MAD1L1: variants seen among roughly 807,000 people sequenced by gnomAD.
The protein encoded by MAD1L1 is mitotic spindle assembly checkpoint protein MAD1.
In MAD1L1, 95 loss-of-function variants were observed where a neutral mutation model predicts 96.9. That is an observed-to-expected ratio of 0.98 (90% CI 0.83 to 1.16). The LOEUF (loss-of-function observed/expected upper bound fraction) is 1.16. Among genes scored for constraint, MAD1L1 ranks in the 50% most tolerant of loss-of-function variants. MAD1L1 has a pLI of 0.00. For missense variants in MAD1L1, 1,007 were observed against 954.4 expected, an observed-to-expected ratio of 1.06 and a Z score of -0.73; for synonymous variants, 473 against 396.6, an observed-to-expected ratio of 1.19 and a Z score of -2.29.
intron 13 of MAD1L1, among the ~76,000 whole-genome samples, chr7:2,007,505 A>AACCCC (rs748129670): frequency 6.9e-5 from 5 of 72,168 alleles, no homozygotes; most frequent in Middle Eastern, 6.4e-3. Context: ...AACATGGTGA[A>AACCCC]ATTACTAAAA....
intron 11 of MAD1L1, among the ~76,000 whole-genome samples, chr7:2,131,184 G>A (rs899719449): frequency 5.3e-5 from 8 of 152,146 alleles, no homozygotes; most frequent in African/African-American, 7.2e-5. Context: ...GCCCCAGAGC[G>A]GACCCTGCAC....
rs1349435935 is a variant in MAD1L1 at position 2,103,223 on chromosome 7, C to T, written c.1074-33885G>A. ...TCAGCTCTCAGCCCACATGGTGTGT[C>T]CAGAGGGAGGCCGTCCATCCGGCCA... On this transcript the variant is annotated intron_variant, in intron 11 of 18. Transcript: ENST00000265854. The surrounding 1 kb of genome is among the most constrained non-coding windows in gnomAD (Gnocchi z 4.3). 6.6e-6 allele frequency among the ~76,000 whole-genome samples: 1 copy of T among 152,164 alleles called. No homozygotes were observed. The highest frequency in any genetic ancestry group is 2.4e-5 in the African/African-American group (1 of 41,448).
intron 17 of MAD1L1, among the ~76,000 whole-genome samples, chr7:1,931,663 G>A (rs1484435292): frequency 2.2e-5 from 3 of 135,742 alleles, no homozygotes; most frequent in East Asian, 2.6e-4. Context: ...TGCAACACGC[G>A]TCTCCCTCCT....
rs571998139 is a variant in MAD1L1, at chr7:1,866,427, C to G, written c.1998+31773G>C. Among the ~76,000 whole-genome samples, 3 of 147,640 alleles carry G rather than the reference C, an allele frequency of 2.0e-5. No homozygotes were observed. In the South Asian group the frequency reaches 6.8e-4, roughly 33 times the overall value. On this transcript the variant is annotated intron_variant, in intron 18 of 18. Transcript: ENST00000265854. ...CTGTGCCCCCACTGCAGGCTGAGGC[C>G]GTAACATGCTCCCAGGAACAAAGGG...
intron 17 of MAD1L1, among the ~76,000 whole-genome samples, chr7:1,925,679 C>T (rs779088580): frequency 2.6e-5 from 4 of 152,234 alleles, no homozygotes; most frequent in East Asian, 1.9e-4. Context: ...ACTTTGGAGG[C>T]CACGTTCAAA....
intron 10 of MAD1L1, among the ~76,000 whole-genome samples, chr7:2,208,384 G>A (rs1299622578): frequency 4.6e-5 from 7 of 151,604 alleles, no homozygotes; most frequent in Non-Finnish European, 1.0e-4. Flanking sequence ...TTTCCAGTCT[G>A]TCCATCTTTT....
intron 18 of MAD1L1, among the ~76,000 whole-genome samples, chr7:1,868,005 T>G (rs943562206): frequency 6.6e-6 from 1 of 152,090 alleles, no homozygotes; most frequent in African/African-American, 2.4e-5. Context: ...GTGTGGCCAG[T>G]GCCCTGCCCT....
At chr7:1,908,030 G>A (rs1309027224) in intron 17 of MAD1L1, among the ~76,000 whole-genome samples, 2 of 152,258 alleles carry the variant, frequency 1.3e-5, no homozygotes, top group Non-Finnish European at 2.9e-5. Context: ...GTGAGATGAA[G>A]GCTCTTAGCA....
chr7:2,232,717 G>A (rs1794272267), intron 1 of MAD1L1, among the ~76,000 whole-genome samples, 155 bp downstream of exon 1: 2 of 152,178 alleles, frequency 1.3e-5, no homozygotes, highest in Admixed American at 6.5e-5. Context: ...GCCCATGGGA[G>A]ACGGGGCGGG....
intron 14 of MAD1L1, among the ~76,000 whole-genome samples, chr7:2,001,333 C>T (rs763998143): frequency 6.6e-6 from 1 of 152,270 alleles, no homozygotes; most frequent in Non-Finnish European, 1.5e-5. Flanking sequence ...ACAGACATGG[C>T]CAAGGCCAGG....
At chr7:2,070,416 G>A (rs564345175) in intron 11 of MAD1L1, among the ~76,000 whole-genome samples, 1 of 152,208 alleles carries the variant, frequency 6.6e-6, no homozygotes, top group Admixed American at 6.5e-5. Context: ...GTGCTCCCAG[G>A]AAGGGACACA....
At chr7:1,974,220 C>T (rs757512199) in intron 15 of MAD1L1, among the ~76,000 whole-genome samples, 8 of 152,218 alleles carry the variant, frequency 5.3e-5, no homozygotes, top group Non-Finnish European at 1.2e-4. Context: ...GAGGAAAGAT[C>T]AGAGGCCCCT....
chr7:1,849,047 T>TAC (rs57306853), intron 18 of MAD1L1: 267 of 148,480 alleles, frequency 1.8e-3, no homozygotes, highest in South Asian at 2.1e-3. Flanking sequence ...GGTGTACATG[T>TAC]ACACACACAC....
In MAD1L1 at chr7:2,219,250, C is replaced by T. The variant is rs554731372; in HGVS notation, c.596+82G>A. 1.5e-4 allele frequency: 194 copies of T among 1,325,282 alleles called. 1 individual carries two copies. The Middle Eastern group carries it at 2.6e-3, about 18-fold the overall frequency. The allele number at this position is 1,325,282 out of a possible 1,614,324, so 82.1% of individuals were successfully genotyped here. ...CAGCATCTGGGAGTGTATCCACATC[C>T]CACCCAGCCACCAGGAGAGAGGTGG... On this transcript the variant is annotated intron_variant, in intron 6 of 18. Coordinates refer to ENST00000265854, the MANE Select transcript of MAD1L1 (RefSeq NM_001013836.2).
intron 11 of MAD1L1, among the ~76,000 whole-genome samples, chr7:2,079,352 T>C (rs1425808241): frequency 6.6e-6 from 1 of 152,134 alleles, no homozygotes; most frequent in Non-Finnish European, 1.5e-5. Context: ...TCAATACACA[T>C]TTTTCTGAAA....
rs536058324 is a variant in MAD1L1 at position 1,947,201 on chromosome 7, C to T, written c.1597-10304G>A. Among the ~76,000 whole-genome samples, 168 of 152,300 alleles carry T rather than the reference C, an allele frequency of 1.1e-3. 1 individual carries two copies. Among genetic ancestry groups the T allele is most frequent in the Non-Finnish European group, 2.0e-3 (133 of 68,018 alleles). Reference sequence around the variant, plus strand: ...TGGGTGCCATGGGCCCTTGGCTGCCCCGGGCAAAGGAAATGGCTTCTGAGG... The same window carrying T: ...TGGGTGCCATGGGCCCTTGGCTGCCTCGGGCAAAGGAAATGGCTTCTGAGG... On this transcript the variant is annotated intron_variant, in intron 16 of 18. Coordinates refer to ENST00000265854, the MANE Select transcript of MAD1L1 (RefSeq NM_001013836.2).
intron 18 of MAD1L1, among the ~76,000 whole-genome samples, chr7:1,869,613 C>G (rs1052340574): frequency 1.1e-4 from 17 of 152,190 alleles, no homozygotes; most frequent in Admixed American, 1.1e-3. Context: ...TAACCATGTT[C>G]CAGCCTGGCT....
chr7:1,987,459 G>C (rs112778392), intron 14 of MAD1L1, among the ~76,000 whole-genome samples: 2 of 152,210 alleles, frequency 1.3e-5, no homozygotes, highest in Non-Finnish European at 2.9e-5. Context: ...CGGATGAAGC[G>C]AAGAGAGCCG....
At chr7:2,005,997 T>C (rs964026532) in intron 13 of MAD1L1, among the ~76,000 whole-genome samples, 3 of 150,004 alleles carry the variant, frequency 2.0e-5, no homozygotes, top group Non-Finnish European at 4.4e-5. Context: ...GAGTGTGAAA[T>C]GGAGAGCACG....
Sources: gnomAD v4.1 joint callset for allele counts (sites outside exome capture counted in the v4.1 genomes callset) on GRCh38, gnomAD v4.1.1 for gene constraint, Gnocchi (gnomAD v3.1) non-coding constraint, MANE v1.5 for transcripts, NCBI Gene and HGNC (gene_info 2026-07-23, HGNC 2026-07-21) for gene names.